LDHB: variants seen among roughly 807,000 people sequenced by gnomAD.
LDHB encodes L-lactate dehydrogenase B chain.
LDHB carries 18 observed loss-of-function variants against 33.4 expected under a neutral mutation model. That is an observed-to-expected ratio of 0.54 (90% confidence interval 0.37 to 0.80). The LOEUF is 0.80. Among genes scored for constraint, LDHB ranks in the 30% least tolerant of loss-of-function variants. The pLI is 0.00. For synonymous variants in LDHB, 121 were observed against 140.6 expected, an observed-to-expected ratio of 0.86 and a Z score of 0.98; for missense variants, 345 against 407.9, an observed-to-expected ratio of 0.85 and a Z score of 1.33.
chr12:21,639,352 G>A (rs932050761), intron 5 of LDHB, among the ~76,000 whole-genome samples: 6 of 151,822 alleles, frequency 4.0e-5, no homozygotes, highest in South Asian at 2.1e-4. Context: ...AACATTGGAC[G>A]GGAATCAGAA....
intron 1 of LDHB, among the ~76,000 whole-genome samples, chr12:21,656,066 G>C (rs1938835383): frequency 6.6e-6 from 1 of 152,138 alleles, no homozygotes; most frequent in Non-Finnish European, 1.5e-5. Context: ...AACTGTACCA[G>C]AGCTTCCCAG....
At chr12:21,636,737 A>G (rs1306686062) in intron 7 of LDHB, among the ~76,000 whole-genome samples, 1 of 152,162 alleles carries the variant, frequency 6.6e-6, no homozygotes, top group Non-Finnish European at 1.5e-5. Flanking sequence ...TATGAAAGGC[A>G]ATCTAGAGTT....
chr12:21,640,358 T>C (rs1591828137), intron 5 of LDHB, among the ~76,000 whole-genome samples: 2 of 151,710 alleles, frequency 1.3e-5, no homozygotes, highest in South Asian at 2.1e-4. Context: ...TAAAAAAAAG[T>C]GTAATGTGAT....
chr12:21,645,074 C>T (rs1198869003), intron 3 of LDHB, among the ~76,000 whole-genome samples: 1 of 151,948 alleles, frequency 6.6e-6, no homozygotes, highest in African/African-American at 2.4e-5. Context: ...GTAACCCTAC[C>T]CCCACCCCTG....
At chr12:21,650,151 C>CAT (rs142403823) in intron 2 of LDHB, among the ~76,000 whole-genome samples, 1 of 32,736 alleles carries the variant, frequency 3.1e-5, no homozygotes, top group African/African-American at 8.6e-5. Flanking sequence ...CACACACACA[C>CAT]GTCTCTCTCT....
intron 2 of LDHB, among the ~76,000 whole-genome samples, chr12:21,654,055 G>A (rs1388891907): frequency 2.0e-5 from 3 of 152,072 alleles, no homozygotes; most frequent in Non-Finnish European, 4.4e-5. Flanking sequence ...AATTCAACCC[G>A]AGCTGAATTA....
chr12:21,648,730 G>T (rs1938598048), intron 2 of LDHB, among the ~76,000 whole-genome samples: 1 of 152,178 alleles, frequency 6.6e-6, no homozygotes, highest in South Asian at 2.1e-4. Flanking sequence ...GGAATACAAT[G>T]AATAAACACT....
chr12:21,638,277 G>T, intron 6 of LDHB, 76 bp downstream of exon 6: 2 of 843,384 alleles, frequency 2.4e-6, no homozygotes, highest in African/African-American at 1.7e-5. Flanking sequence ...TGAGCAGACA[G>T]CCATGGAAAA....
chr12:21,635,837 G>GTACTACTC, intron 7 of LDHB, 128 bp from the exon 8 acceptor site: 1 of 778,896 alleles, frequency 1.3e-6, no homozygotes, highest in Non-Finnish European at 2.2e-6. Context: ...TATGACAGCG[G>GTACTACTC]TACTACTCTC....
chr12:21,642,892 C>G (rs1035334245), intron 4 of LDHB, among the ~76,000 whole-genome samples: 1 of 152,196 alleles, frequency 6.6e-6, no homozygotes, highest in African/African-American at 2.4e-5. Context: ...AACTTTGATT[C>G]CATGGAAGTG....
At chr12:21,639,236 C>G (rs535486522) in intron 5 of LDHB, among the ~76,000 whole-genome samples, 123 of 152,004 alleles carry the variant, frequency 8.1e-4, no homozygotes, top group South Asian at 1.2e-3. Context: ...ATAATCATGT[C>G]TAGTGAGCAT....
At chr12:21,647,060 G>T in intron 2 of LDHB, 44 bp from the exon 3 acceptor site, 1 of 1,143,882 alleles carries the variant, frequency 8.7e-7, no homozygotes. Flanking sequence ...GCCACTCTAG[G>T]ATGCGTCAGC....
At chr12:21,657,019 C>T (rs911729520) in intron 1 of LDHB, 14 of 151,920 alleles carry the variant, frequency 9.2e-5, no homozygotes, top group African/African-American at 3.4e-4. Context: ...TGCGCACAAA[C>T]CATCTTTTCC....
chr12:21,638,147 T>A (rs940327789), intron 6 of LDHB, among the ~76,000 whole-genome samples: 1 of 151,996 alleles, frequency 6.6e-6, no homozygotes, highest in Non-Finnish European at 1.5e-5. Context: ...TACAATAGAG[T>A]TTCTCTAGAG....
chr12:21,638,494 C>T, intron 5 of LDHB, 24 bp from the exon 6 acceptor site: 1 of 1,358,208 alleles, frequency 7.4e-7, no homozygotes, highest in South Asian at 1.2e-5. Context: ...AAAAAAAAGA[C>T]ATTGCAGTTA....
chr12:21,638,184 T>G (rs1257966303), intron 6 of LDHB, among the ~76,000 whole-genome samples, 169 bp downstream of exon 6: 1 of 152,060 alleles, frequency 6.6e-6, no homozygotes, highest in Non-Finnish European at 1.5e-5. Context: ...CTAGGGAGAC[T>G]GGCATAGCAA....
intron 3 of LDHB, among the ~76,000 whole-genome samples, chr12:21,645,887 C>A (rs866854186): frequency 6.6e-6 from 1 of 152,142 alleles, no homozygotes; most frequent in East Asian, 1.9e-4. Context: ...TCGTTCCACC[C>A]GACGAGAAAT....
At chr12:21,653,415 C>T (rs889231611) in intron 2 of LDHB, among the ~76,000 whole-genome samples, 60 of 152,288 alleles carry the variant, frequency 3.9e-4, no homozygotes, top group African/African-American at 1.4e-3. Flanking sequence ...CATCCCAAAA[C>T]TATCCCCTCA....
chr12:21,657,626 C>T (rs1481863589), intron 1 of LDHB, 125 bp downstream of exon 1: 1 of 152,592 alleles, frequency 6.6e-6, no homozygotes, highest in Admixed American at 6.5e-5. Flanking sequence ...ATGCTCAGAG[C>T]TAAAGGCCGC....
Sources: gnomAD v4.1 joint callset for allele counts (sites outside exome capture counted in the v4.1 genomes callset) on GRCh38, gnomAD v4.1.1 for gene constraint, MANE v1.5 for transcripts, NCBI Gene and HGNC (gene_info 2026-07-23, HGNC 2026-07-21) for gene names.